The following NBEA variants were observed in gnomAD, a reference collection of about 807,000 sequenced individuals.
The protein encoded by NBEA is lysosomal-trafficking regulator 2.
A neutral mutation model predicts 343.4 loss-of-function variants in NBEA; 44 were observed. The ratio of observed to expected loss-of-function variants is 0.13; its 90% CI spans 0.10 to 0.16. NBEA has a LOEUF of 0.16. NBEA is among the 10% of genes least tolerant of loss of function. NBEA has a pLI of 1.00. For synonymous variants in NBEA, 1,175 were observed against 1,238.7 expected, an observed-to-expected ratio of 0.95 and a Z score of 1.08; for missense variants, 2,555 against 3,631.3, an observed-to-expected ratio of 0.70 and a Z score of 7.62.
intron 13 of NBEA, among the ~76,000 whole-genome samples, chr13:35,113,682 TATC>T (rs2066347228): frequency 6.6e-6 from 1 of 152,190 alleles, no homozygotes. Context: ...CAATGTGTTA[TATC>T]AACAGTTAGC....
At chr13:35,112,676 C>G (rs1156251613) in intron 13 of NBEA, among the ~76,000 whole-genome samples, 1 of 152,154 alleles carries the variant, frequency 6.6e-6, no homozygotes, top group Non-Finnish European at 1.5e-5. Context: ...ACAAAGAATT[C>G]TCATATGTCC....
chr13:35,064,122 A>G (rs2063562342), intron 8 of NBEA, among the ~76,000 whole-genome samples: 1 of 152,088 alleles, frequency 6.6e-6, no homozygotes, highest in Non-Finnish European at 1.5e-5. Context: ...TTCAGAGGCG[A>G]CATACAGGTT....
intron 40 of NBEA, among the ~76,000 whole-genome samples, chr13:35,458,082 A>G (rs1368441047): frequency 2.6e-5 from 4 of 152,198 alleles, no homozygotes; most frequent in Non-Finnish European, 2.9e-5. Context: ...TATCTTAGGT[A>G]TATTCTTAGG....
At chr13:35,034,909 G>T (rs2062382039) in intron 1 of NBEA, among the ~76,000 whole-genome samples, 1 of 151,338 alleles carries the variant, frequency 6.6e-6, no homozygotes, top group Non-Finnish European at 1.5e-5. Context: ...TATTTATTTG[G>T]ATCCTCTCTC....
At chr13:35,047,028 G>A (rs1441362329) in intron 4 of NBEA, among the ~76,000 whole-genome samples, 3 of 151,984 alleles carry the variant, frequency 2.0e-5, no homozygotes, top group Non-Finnish European at 4.4e-5. Context: ...TGGAATGTAA[G>A]TTCATCTATT....
Position 35,352,913 on chromosome 13 carries a change from A to ATTGTTG in NBEA, c.6179+608_6179+613dup, listed in dbSNP as rs908527596. On this transcript the variant is annotated intron_variant, in intron 38 of 58. Coordinates refer to ENST00000379939, the MANE Select transcript of NBEA (RefSeq NM_001385012.1). ...CCTAAAGTTTTGTGGACATACAATTATTGTTGTTGTTGTTGTTGTTGTTAT... is the reference window on the plus strand; with the variant it reads ...CCTAAAGTTTTGTGGACATACAATTATTGTTGTTGTTGTTGTTGTTGTTGTTGTTAT... Among the ~76,000 whole-genome samples the ATTGTTG allele has an allele frequency of 9.2e-5, 14 of 151,978 alleles. 1 individual carries two copies. Among genetic ancestry groups the ATTGTTG allele is most frequent in the South Asian group, 4.2e-4 (2 of 4,816 alleles).
intron 18 of NBEA, among the ~76,000 whole-genome samples, chr13:35,152,668 T>C (rs908072690): frequency 6.6e-6 from 1 of 152,232 alleles, no homozygotes; most frequent in Non-Finnish European, 1.5e-5. Context: ...GGTGTATCTC[T>C]GTAAATAGCA....
At chr13:35,057,674 C>T (rs1487351948) in intron 7 of NBEA, among the ~76,000 whole-genome samples, 5 of 152,040 alleles carry the variant, frequency 3.3e-5, no homozygotes, top group Admixed American at 1.3e-4. Context: ...GAGATCTCTC[C>T]AGAGTCTTTT....
intron 36 of NBEA, among the ~76,000 whole-genome samples, chr13:35,321,117 A>G (rs2038105528): frequency 6.6e-6 from 1 of 152,014 alleles, no homozygotes; most frequent in Admixed American, 6.5e-5. Context: ...CTCATTCTCC[A>G]TCCAGTTTCG....
At chr13:35,376,121 G>T (rs1566046840) in intron 38 of NBEA, among the ~76,000 whole-genome samples, 1 of 152,066 alleles carries the variant, frequency 6.6e-6, no homozygotes, top group Non-Finnish European at 1.5e-5. Flanking sequence ...TTATTTCCAT[G>T]ATCTAAAGGT....
intron 41 of NBEA, among the ~76,000 whole-genome samples, chr13:35,507,633 CTT>C (rs1233646465): frequency 6.6e-6 from 1 of 152,108 alleles, no homozygotes; most frequent in East Asian, 1.9e-4. Flanking sequence ...GTTAATTTGA[CTT>C]CTCTCTTTCT....
chr13:35,423,421 T>G (rs1312973834), intron 38 of NBEA, among the ~76,000 whole-genome samples: 2 of 152,122 alleles, frequency 1.3e-5, no homozygotes, highest in African/African-American at 4.8e-5. Flanking sequence ...TTTCCCCATT[T>G]CTTGTTTTTG....
intron 41 of NBEA, among the ~76,000 whole-genome samples, chr13:35,487,219 G>A (rs1189558543): frequency 1.3e-5 from 2 of 151,754 alleles, no homozygotes; most frequent in Non-Finnish European, 2.9e-5. Flanking sequence ...AAAATGTGAG[G>A]AAATTTTTTC....
At chr13:35,440,349 G>T (rs2045671672) in intron 39 of NBEA, among the ~76,000 whole-genome samples, 1 of 152,104 alleles carries the variant, frequency 6.6e-6, no homozygotes, top group Admixed American at 6.5e-5. Context: ...TCAGAATCTT[G>T]CTTCTTTTAG....
chr13:35,551,073 A>G lies in NBEA; in HGVS notation c.6806+41A>G, dbSNP rs1403717453. The stretch of plus-strand genomic sequence containing the variant: ...TACATATTATCTATGGCTTGTTAAC[A>G]TATTTCAATCTCAATATTACAGCAA... On this transcript the variant is annotated intron_variant, in intron 43 of 58. Coordinates refer to ENST00000379939, the MANE Select transcript of NBEA (RefSeq NM_001385012.1). 3.5e-6 allele frequency: 4 copies of G among 1,154,428 alleles called. No individual in the cohort carries two copies. In the African/African-American group the frequency reaches 4.6e-5, roughly 13 times the overall value. 71.5% of individuals were successfully genotyped at this position (1,154,428 alleles called of 1,614,324 possible). A position where few individuals can be genotyped will look rare whatever the true frequency, so the allele number is the denominator to read the frequency against.
rs1041127443 is a variant in NBEA at position 34,983,968 on chromosome 13, A to G, written c.294+40854A>G. Among the ~76,000 whole-genome samples the G allele has an allele frequency of 2.0e-5, 3 of 151,990 alleles. No individual in the cohort carries two copies. In the East Asian group the frequency reaches 5.8e-4, roughly 29 times the overall value. The stretch of plus-strand genomic sequence containing the variant: ...AAAAATTTTCTCCCATTCTGTAGGT[A>G]GCCTGTTCACTCTGATGGTAGTTTC... On this transcript the variant is annotated intron_variant, in intron 1 of 58. Coordinates refer to ENST00000379939, the MANE Select transcript of NBEA (RefSeq NM_001385012.1).
intron 10 of NBEA, among the ~76,000 whole-genome samples, chr13:35,074,379 C>T (rs1291787359): frequency 1.3e-5 from 2 of 151,936 alleles, no homozygotes; most frequent in African/African-American, 4.8e-5. Flanking sequence ...GTAGGTGATA[C>T]AAAATAAAAC....
In NBEA at chr13:35,350,576, T is replaced by G. The variant is rs185324811; in HGVS notation, c.6012+1360T>G. Among the ~76,000 whole-genome samples the G allele has an allele frequency of 1.5e-4, 23 of 152,212 alleles. No individual in the cohort carries two copies. In the East Asian group the frequency reaches 3.7e-3, roughly 24 times the overall value. ...GTGATAAGAGGTTTCCAAGGAAACA[T>G]GAAGACTTAGTGTTTTTTAGATTTT... On this transcript the variant is annotated intron_variant, in intron 37 of 58. Coordinates refer to ENST00000379939, the MANE Select transcript of NBEA (RefSeq NM_001385012.1).
At chr13:35,053,221 T>C (rs2063127043) in intron 6 of NBEA, among the ~76,000 whole-genome samples, 1 of 152,100 alleles carries the variant, frequency 6.6e-6, no homozygotes, top group Non-Finnish European at 1.5e-5. Flanking sequence ...TTATACCACA[T>C]TATGCAAAAA....
Sources: gnomAD v4.1 joint callset for allele counts (sites outside exome capture counted in the v4.1 genomes callset) on GRCh38, gnomAD v4.1.1 for gene constraint, MANE v1.5 for transcripts, NCBI Gene and HGNC (gene_info 2026-07-23, HGNC 2026-07-21) for gene names.